The following KIF26B variants were observed in gnomAD, a reference collection of about 807,000 sequenced individuals.
KIF26B encodes kinesin-like protein KIF26B.
Under a neutral mutation model 151.2 loss-of-function variants are expected in KIF26B, and 63 were observed. The ratio of observed to expected loss-of-function variants is 0.42; its 90% confidence interval spans 0.34 to 0.51. The LOEUF is 0.51. Ranked by LOEUF, KIF26B falls within the 20% of genes least tolerant of loss-of-function variation. The pLI, the probability that KIF26B is intolerant of heterozygous loss-of-function variation, is 0.07. For missense variants in KIF26B, 2,813 were observed against 2,913.6 expected, an observed-to-expected ratio of 0.97 and a Z score of 0.79; for synonymous variants, 1,357 against 1,262.1, an observed-to-expected ratio of 1.08 and a Z score of -1.59.
intron 2 of KIF26B, among the ~76,000 whole-genome samples, chr1:245,181,285 C>T (rs1668901632): frequency 1.3e-5 from 2 of 152,022 alleles, no homozygotes; most frequent in South Asian, 4.1e-4. Flanking sequence ...GTGAGAGCAG[C>T]AATTAGCTCT....
chr1:245,545,565 T>G (rs182521732), intron 5 of KIF26B, among the ~76,000 whole-genome samples: 31 of 152,324 alleles, frequency 2.0e-4, no homozygotes, highest in Non-Finnish European at 3.8e-4. Context: ...TGGGCCAATA[T>G]GAAGGACAAT....
In KIF26B at chr1:245,155,121, G is replaced by A; in HGVS notation, c.-304G>A. ...GGGAGCACGGACTGACTTGGCTGAA[G>A]AAAATGCCAGTTCTGTGGATGTGGC... On this transcript the variant is annotated 5_prime_UTR_variant, in exon 1 of 15. Coordinates refer to ENST00000407071, the MANE Select transcript of KIF26B (RefSeq NM_018012.4). 2 of 521,506 alleles carry A rather than the reference G, an allele frequency of 3.8e-6. No individual in the cohort carries two copies. The highest frequency in any genetic ancestry group is 2.0e-5 in the African/African-American group (1 of 50,020). The allele number at this position is 521,506 out of a possible 1,614,324, so 32.3% of individuals were successfully genotyped here.
At chr1:245,701,231 A>AAAAC (rs1296329094) in intron 14 of KIF26B, among the ~76,000 whole-genome samples, 2 of 152,194 alleles carry the variant, frequency 1.3e-5, no homozygotes, top group African/African-American at 4.8e-5. Flanking sequence ...AGATGAATTG[A>AAAAC]AAACAGTAAT....
At chr1:245,253,530 A>G (rs1215646209) in intron 2 of KIF26B, among the ~76,000 whole-genome samples, 8 of 151,958 alleles carry the variant, frequency 5.3e-5, no homozygotes, top group Admixed American at 5.2e-4. Context: ...TTGGTTTCAG[A>G]GTGATACTAG....
chr1:245,360,230 C>G (rs1051587213), intron 2 of KIF26B, among the ~76,000 whole-genome samples: 1 of 152,018 alleles, frequency 6.6e-6, no homozygotes, highest in African/African-American at 2.4e-5. Context: ...ATGATATGTT[C>G]CCTTCTTTAT....
intron 10 of KIF26B, among the ~76,000 whole-genome samples, chr1:245,656,541 G>A (rs1431295752): frequency 6.6e-6 from 1 of 152,228 alleles, no homozygotes; most frequent in Admixed American, 6.5e-5. Flanking sequence ...AACAGCCAGA[G>A]AAGGAGGGCT....
At chr1:245,374,923 G>A (rs948413845) in intron 3 of KIF26B, among the ~76,000 whole-genome samples, 18 of 152,072 alleles carry the variant, frequency 1.2e-4, no homozygotes, top group African/African-American at 2.7e-4. Flanking sequence ...TCAAAAATAC[G>A]TTCAATCTGG....
At chr1:245,485,998 A>G (rs997496043) in intron 4 of KIF26B, among the ~76,000 whole-genome samples, 9 of 152,232 alleles carry the variant, frequency 5.9e-5, no homozygotes, top group Non-Finnish European at 1.5e-5. Flanking sequence ...ATTCTTACAT[A>G]TACTGGCATT....
At chr1:245,363,086 C>A (rs1217465283) in intron 2 of KIF26B, among the ~76,000 whole-genome samples, 2 of 152,176 alleles carry the variant, frequency 1.3e-5, no homozygotes, top group Non-Finnish European at 2.9e-5. Context: ...GCCAGCTGAT[C>A]CAGAGGACAT....
At chr1:245,291,158 C>T (rs1300841131) in intron 2 of KIF26B, among the ~76,000 whole-genome samples, 1 of 152,166 alleles carries the variant, frequency 6.6e-6, no homozygotes, top group Non-Finnish European at 1.5e-5. Flanking sequence ...ATCACTTCTG[C>T]TGTATTTTCT....
rs753405676 is a variant in KIF26B at position 245,367,327 on chromosome 1, C to T, written c.959C>T (p.Ser320Phe). The change falls in exon 3 of 15, where the codon TCC becomes TTC. Residue 320 changes from serine (S) to phenylalanine (F), a missense_variant. Transcript: ENST00000407071. The surrounding 1 kb of genome is among the most constrained non-coding windows in gnomAD (Gnocchi z 4.2). The stretch of plus-strand genomic sequence containing the variant: ...CACCAGTACCTGGATGGCACCTGGT[C>T]CCTGTCGAGAACCAACGGGGTCACC... ...QAHQYLDGTW[S>F]LSRTNGVTLY... is the part of the protein sequence containing the mutation. 26 of 1,595,790 alleles carry T rather than the reference C, an allele frequency of 1.6e-5. No individual in the cohort carries two copies. The highest frequency in any genetic ancestry group is 2.2e-5 in the Non-Finnish European group (26 of 1,171,300).
intron 2 of KIF26B, among the ~76,000 whole-genome samples, chr1:245,291,939 C>A (rs1671259448): frequency 6.6e-6 from 1 of 152,106 alleles, no homozygotes; most frequent in Admixed American, 6.5e-5. Context: ...CAGAGGTGTG[C>A]CAGACCGGGT....
intron 10 of KIF26B, among the ~76,000 whole-genome samples, chr1:245,670,245 C>CATATATATATATATATATATAT (rs10584392): frequency 7.4e-6 from 1 of 134,740 alleles, no homozygotes; most frequent in Non-Finnish European, 1.6e-5. Flanking sequence ...TGTGTATATC[C>CATATATATATATATATATATAT]ATATATATAT....
At chr1:245,556,764 C>T (rs964364004) in intron 5 of KIF26B, among the ~76,000 whole-genome samples, 1 of 152,116 alleles carries the variant, frequency 6.6e-6, no homozygotes, top group African/African-American at 2.4e-5. Context: ...GTCTCAAACT[C>T]CTGGGCTTAA....
At position 245,615,662 on chromosome 1, in the gene KIF26B, C is replaced by T. The variant is rs148624865; in HGVS notation, c.2098+3686C>T. On this transcript the variant is annotated intron_variant, in intron 9 of 14. Coordinates refer to ENST00000407071, the MANE Select transcript of KIF26B (RefSeq NM_018012.4). ...AGGTTAAAAGAAAGGGCAAATACCA[C>T]GAATGGTTTCCAAAACCTCGGTTAG... Among the ~76,000 whole-genome samples the T allele has an allele frequency of 9.4e-3, 1,429 of 152,266 alleles. 23 individuals are homozygous for T. The highest frequency in any genetic ancestry group is 9.5e-3 in the Non-Finnish European group (647 of 68,028).
intron 3 of KIF26B, among the ~76,000 whole-genome samples, chr1:245,411,112 C>T (rs182312189): frequency 1.4e-4 from 21 of 152,326 alleles, no homozygotes; most frequent in African/African-American, 3.6e-4. Flanking sequence ...TCTACTGAGA[C>T]GTCTAAACCA....
rs370149234 is a variant in KIF26B, at chr1:245,611,290, T to C, written c.1915-503T>C. Among the ~76,000 whole-genome samples the C allele has an allele frequency of 5.9e-5, 9 of 152,328 alleles. No homozygotes were observed. In the East Asian group the frequency reaches 1.3e-3, roughly 23 times the overall value. ...GGCTTTAATTAAATAACTGCAAAAC[T>C]AGGAGTCAAATGAAAGCTAACCAAG... is the stretch of plus-strand genomic sequence containing the variant. On this transcript the variant is annotated intron_variant, in intron 8 of 14. Transcript: ENST00000407071.
chr1:245,656,807 T>G (rs1363786007), intron 10 of KIF26B, among the ~76,000 whole-genome samples: 3 of 152,252 alleles, frequency 2.0e-5, no homozygotes, highest in Non-Finnish European at 2.9e-5. Context: ...GATTTTTTTT[T>G]TTGTTCATGC....
At chr1:245,188,871 T>G (rs1290717776) in intron 2 of KIF26B, among the ~76,000 whole-genome samples, 6 of 152,184 alleles carry the variant, frequency 3.9e-5, no homozygotes, top group Admixed American at 3.9e-4. Flanking sequence ...GGAATATTGT[T>G]CAGAAAAGGA....
Sources: allele counts gnomAD v4.1 joint callset (sites outside exome capture counted in the v4.1 genomes callset), GRCh38; gene constraint gnomAD v4.1.1; non-coding constraint Gnocchi (gnomAD v3.1); transcripts MANE v1.5; gene names NCBI Gene and HGNC (gene_info 2026-07-23, HGNC 2026-07-21).